KSR2: variants seen among roughly 807,000 people sequenced by gnomAD.
The protein encoded by KSR2 is kinase suppressor of ras 2.
A neutral mutation model predicts 107.8 loss-of-function variants in KSR2; 25 were observed. The observed-to-expected ratio is 0.23, with a 90% CI of 0.17 to 0.32. The LOEUF is 0.32. KSR2 is among the 10% of genes least tolerant of loss of function. KSR2 has a pLI of 1.00. For synonymous variants in KSR2, 480 were observed against 507.0 expected (o/e 0.95, Z 0.71); for missense variants, 887 against 1,268.9 (o/e 0.70, Z 4.57).
intron 14 of KSR2, among the ~76,000 whole-genome samples, chr12:117,510,035 T>G (rs1015083908): frequency 1.3e-5 from 2 of 152,212 alleles, no homozygotes; most frequent in African/African-American, 4.8e-5. Flanking sequence ...AGGCGCTGAC[T>G]GTGGGTCCCC....
At chr12:117,898,290 G>A (rs1456029031) in intron 1 of KSR2, among the ~76,000 whole-genome samples, 1 of 151,822 alleles carries the variant, frequency 6.6e-6, no homozygotes, top group East Asian at 1.9e-4. Flanking sequence ...CTTTCTTTAG[G>A]AAAACAGGAG....
chr12:117,686,215 A>ATTTTTTT (rs55772468), intron 4 of KSR2, among the ~76,000 whole-genome samples: 1,057 of 78,006 alleles, frequency 0.014, 120 homozygotes, highest in African/African-American at 0.053. Context: ...CACCCAGCTA[A>ATTTTTTT]TTTTTTTTTT....
At chr12:117,931,149 G>C (rs1895685893) in intron 1 of KSR2, among the ~76,000 whole-genome samples, 1 of 152,016 alleles carries the variant, frequency 6.6e-6, no homozygotes, top group Non-Finnish European at 1.5e-5. Context: ...CTCTCAAAGT[G>C]TCATATGGAT....
intron 5 of KSR2, among the ~76,000 whole-genome samples, chr12:117,628,017 T>C (rs1882613727): frequency 6.6e-6 from 1 of 152,362 alleles, no homozygotes; most frequent in Middle Eastern, 3.4e-3. Flanking sequence ...TGTGCACGCG[T>C]CACGAAGTTC....
intron 4 of KSR2, among the ~76,000 whole-genome samples, chr12:117,704,769 G>C (rs1425610813): frequency 1.3e-5 from 2 of 152,002 alleles, no homozygotes; most frequent in African/African-American, 4.8e-5. Flanking sequence ...TGAGGCAGGA[G>C]GATCACTTGA....
intron 4 of KSR2, among the ~76,000 whole-genome samples, chr12:117,692,225 T>G (rs940563367): frequency 2.6e-5 from 4 of 151,846 alleles, no homozygotes; most frequent in African/African-American, 7.3e-5. Context: ...TTATTAGTCA[T>G]GAAGGAAATG....
intron 3 of KSR2, among the ~76,000 whole-genome samples, chr12:117,816,879 T>C (rs1263620669): frequency 1.3e-5 from 2 of 152,178 alleles, no homozygotes; most frequent in African/African-American, 4.8e-5. Flanking sequence ...GTTCATTAGC[T>C]CATAAGTGGC....
intron 4 of KSR2, among the ~76,000 whole-genome samples, chr12:117,682,509 C>T (rs935498235): frequency 2.0e-5 from 3 of 152,036 alleles, no homozygotes; most frequent in Non-Finnish European, 4.4e-5. Flanking sequence ...CCTCTGCTTC[C>T]CAGGTTCAAG....
chr12:117,805,537 A>C (rs1286737041), intron 3 of KSR2, among the ~76,000 whole-genome samples: 1 of 152,252 alleles, frequency 6.6e-6, no homozygotes, highest in Non-Finnish European at 1.5e-5. Context: ...CATTCAAAAG[A>C]GCCTGGTACC....
At chr12:117,575,759 T>C (rs1423575356) in intron 7 of KSR2, among the ~76,000 whole-genome samples, 1 of 152,244 alleles carries the variant, frequency 6.6e-6, no homozygotes, top group African/African-American at 2.4e-5. Flanking sequence ...TTGTCTCTTA[T>C]ATGCCAGGAG....
intron 5 of KSR2, among the ~76,000 whole-genome samples, chr12:117,655,253 A>C (rs889570848): frequency 6.6e-6 from 1 of 152,214 alleles, no homozygotes; most frequent in Non-Finnish European, 1.5e-5. Flanking sequence ...ATGGTATTCC[A>C]CACAGCATTG....
intron 4 of KSR2, among the ~76,000 whole-genome samples, chr12:117,726,199 T>A (rs914378315): frequency 2.6e-5 from 4 of 151,942 alleles, no homozygotes; most frequent in South Asian, 2.1e-4. Context: ...AAAATAAAAA[T>A]TTTTTTAAAA....
At chr12:117,812,088 T>C (rs969014) in intron 3 of KSR2, among the ~76,000 whole-genome samples, 16,343 of 152,168 alleles carry the variant, frequency 0.11, 1,294 homozygotes, top group African/African-American at 0.22. Context: ...AAGATTCTTG[T>C]TGGCATTCAT....
intron 1 of KSR2, among the ~76,000 whole-genome samples, chr12:117,922,744 A>G (rs1478639138): frequency 6.6e-6 from 1 of 152,234 alleles, no homozygotes; most frequent in East Asian, 1.9e-4. Flanking sequence ...CATCTACCAC[A>G]TACAAGGTGC....
chr12:117,958,333 C>A (rs1443181544), intron 1 of KSR2, among the ~76,000 whole-genome samples: 1 of 152,032 alleles, frequency 6.6e-6, no homozygotes. Flanking sequence ...GGAAATGAAC[C>A]CTTTCCAACA....
intron 17 of KSR2, among the ~76,000 whole-genome samples, chr12:117,472,290 G>A (rs557330241): frequency 1.3e-5 from 2 of 152,164 alleles, no homozygotes; most frequent in African/African-American, 4.8e-5. Context: ...GTAATTAATG[G>A]AGAGAGGATT....
intron 3 of KSR2, among the ~76,000 whole-genome samples, chr12:117,828,965 C>A (rs1409485562): frequency 6.6e-6 from 1 of 152,212 alleles, no homozygotes; most frequent in African/African-American, 2.4e-5. Context: ...GGACAGCCAA[C>A]TGGGTCCAGG....
At chr12:117,546,598 G>A (rs905858098) in intron 9 of KSR2, among the ~76,000 whole-genome samples, 3 of 152,074 alleles carry the variant, frequency 2.0e-5, no homozygotes, top group Non-Finnish European at 4.4e-5. Flanking sequence ...CCAGGACACC[G>A]ATGACACCAA....
intron 1 of KSR2, among the ~76,000 whole-genome samples, chr12:117,922,518 G>A (rs1895373967): frequency 6.6e-6 from 1 of 152,138 alleles, no homozygotes; most frequent in African/African-American, 2.4e-5. Context: ...TTTATATCAG[G>A]TTGCATTCAT....
Sources: allele counts gnomAD v4.1 joint callset (sites outside exome capture counted in the v4.1 genomes callset), GRCh38; gene constraint gnomAD v4.1.1; transcripts MANE v1.5; gene names NCBI Gene and HGNC (gene_info 2026-07-23, HGNC 2026-07-21).